Variants in EXOC6 observed in about 807,000 individuals in gnomAD.
EXOC6 encodes the protein SEC15-like 1.
In EXOC6, 60 loss-of-function variants were observed where a neutral mutation model predicts 112.5. The ratio of observed to expected loss-of-function variants is 0.53; its 90% CI spans 0.43 to 0.66. EXOC6 has a LOEUF of 0.66. Ranked by LOEUF, EXOC6 falls within the 30% of genes least tolerant of loss-of-function variation. EXOC6 has a pLI of 0.00. For missense variants in EXOC6, 855 were observed against 957.1 expected, an observed-to-expected ratio of 0.89 and a Z score of 1.41; for synonymous variants, 295 against 308.0, an observed-to-expected ratio of 0.96 and a Z score of 0.44.
intron 6 of EXOC6, among the ~76,000 whole-genome samples, chr10:92,912,098 C>T (rs553413398): frequency 3.2e-4 from 48 of 150,510 alleles, no homozygotes; most frequent in African/African-American, 1.1e-3. Flanking sequence ...GTAAAGCAGC[C>T]CCCGCCTTTG....
At chr10:92,936,927 G>A (rs1370582193) in intron 12 of EXOC6, among the ~76,000 whole-genome samples, 1 of 152,020 alleles carries the variant, frequency 6.6e-6, no homozygotes, top group African/African-American at 2.4e-5. Flanking sequence ...TATCACAGGT[G>A]GGGTGTACAC....
intron 20 of EXOC6, among the ~76,000 whole-genome samples, chr10:93,042,738 A>C (rs1012304032): frequency 6.6e-6 from 1 of 152,174 alleles, no homozygotes; most frequent in Non-Finnish European, 1.5e-5. Context: ...ACCCAAACAG[A>C]CTAAGACAGC....
At chr10:93,016,191 G>A (rs1564912776) in intron 20 of EXOC6, among the ~76,000 whole-genome samples, 1 of 152,170 alleles carries the variant, frequency 6.6e-6, no homozygotes, top group East Asian at 1.9e-4. Context: ...CTGGAATGCA[G>A]TGTCATGGTC....
At chr10:92,974,030 G>T in intron 17 of EXOC6, 23 bp from the exon 18 acceptor site, 1 of 1,541,264 alleles carries the variant, frequency 6.5e-7, no homozygotes, top group Non-Finnish European at 8.7e-7. Context: ...TCTTGTCTTT[G>T]TTGTTATTTT....
chr10:93,028,882 T>G (rs912550557), intron 20 of EXOC6, among the ~76,000 whole-genome samples: 2 of 151,822 alleles, frequency 1.3e-5, no homozygotes, highest in Non-Finnish European at 2.9e-5. Flanking sequence ...TAAACTTAGT[T>G]GATAAAGAAG....
chr10:92,999,261 C>G (rs901023174), intron 19 of EXOC6: 11 of 365,708 alleles, frequency 3.0e-5, no homozygotes, highest in African/African-American at 7.9e-5. Context: ...TGAGGTGTTG[C>G]TGTGTTGCCC....
At position 92,909,166 on chromosome 10, in the gene EXOC6, A is replaced by G. The variant is rs983770533; in HGVS notation, c.459-261A>G. Among the ~76,000 whole-genome samples, 4 of 152,188 alleles carry G rather than the reference A, an allele frequency of 2.6e-5. No homozygotes were observed. In the South Asian group the frequency reaches 8.3e-4, roughly 31 times the overall value. ...TTTAAGGTATTAAGATGCTATCATA[A>G]TGCTTTTGATGTTATAGATTCAGAT... On this transcript the variant is annotated intron_variant, in intron 5 of 21. Transcript: ENST00000260762.
intron 1 of EXOC6, among the ~76,000 whole-genome samples, chr10:92,875,505 C>T (rs1199134221): frequency 6.6e-6 from 1 of 152,034 alleles, no homozygotes; most frequent in Non-Finnish European, 1.5e-5. Flanking sequence ...ATTAGATTGC[C>T]CCTGAGACCT....
intron 1 of EXOC6, among the ~76,000 whole-genome samples, chr10:92,853,977 C>G (rs935032722): frequency 6.9e-6 from 1 of 144,822 alleles, no homozygotes; most frequent in African/African-American, 2.5e-5. Context: ...CTCTGCACTC[C>G]AGTCTGGGCA....
intron 20 of EXOC6, among the ~76,000 whole-genome samples, chr10:93,052,371 CAGTGATTCTGA>C (rs1846337988): frequency 6.6e-6 from 1 of 152,186 alleles, no homozygotes; most frequent in African/African-American, 2.4e-5. Context: ...ATGAATTCCT[CAGTGATTCTGA>C]AGTGATTCAA....
intron 1 of EXOC6, among the ~76,000 whole-genome samples, chr10:92,876,850 C>A (rs1226532530): frequency 6.6e-6 from 1 of 152,066 alleles, no homozygotes; most frequent in East Asian, 1.9e-4. Context: ...CATTTCTCAA[C>A]GATGGAAAAA....
intron 20 of EXOC6, among the ~76,000 whole-genome samples, chr10:93,054,196 A>G (rs1846438719): frequency 6.6e-6 from 1 of 152,170 alleles, no homozygotes; most frequent in Admixed American, 6.5e-5. Flanking sequence ...CCTATCTTAC[A>G]ATGTAAGCTC....
chr10:92,926,175 G>A (rs1461350410), intron 8 of EXOC6, among the ~76,000 whole-genome samples: 1 of 151,484 alleles, frequency 6.6e-6, no homozygotes, highest in African/African-American at 2.4e-5. Flanking sequence ...CAATAAAAAT[G>A]TACTTTTGGG....
At chr10:92,962,931 TA>T (rs1854095515) in intron 17 of EXOC6, among the ~76,000 whole-genome samples, 1 of 152,188 alleles carries the variant, frequency 6.6e-6, no homozygotes, top group African/African-American at 2.4e-5. Flanking sequence ...CTGCCTACGG[TA>T]AATACCCTGC....
chr10:92,975,134 C>G (rs537847351), intron 18 of EXOC6, among the ~76,000 whole-genome samples: 461 of 151,998 alleles, frequency 3.0e-3, no homozygotes, highest in African/African-American at 0.011. Context: ...CGCCTCTTCC[C>G]GGCCGCCATC....
Position 92,848,622 on chromosome 10 carries a change from G to A in EXOC6, c.89G>A (p.Gly30Glu). Residue 30 changes from glycine to glutamate, a missense_variant, in exon 1 of 22, where the codon GGG (glycine) becomes GAG (glutamate). Around this residue, in one of 2 missense-constraint regions of EXOC6, gnomAD observed 405 missense variants for 393.6 expected, o/e 1.03. Coordinates refer to ENST00000260762, the MANE Select transcript of EXOC6 (RefSeq NM_019053.6). Reference sequence around the variant, plus strand: ...GAGAGCACCGACACCGCCTGTGTGGGGCCCACCCTCCGGTAAAGATCTCAT... The same window carrying A: ...GAGAGCACCGACACCGCCTGTGTGGAGCCCACCCTCCGGTAAAGATCTCAT... ...EIESTDTACV[G>E]PTLRSVYDDQ... is the part of the protein sequence containing the mutation. The A allele has an allele frequency of 7.0e-7, 1 of 1,435,626 alleles. No individual in the cohort carries two copies. 88.9% of individuals were successfully genotyped at this position (1,435,626 alleles called of 1,614,324 possible).
At chr10:92,862,285 T>A (rs1186983591) in intron 1 of EXOC6, among the ~76,000 whole-genome samples, 2 of 152,148 alleles carry the variant, frequency 1.3e-5, no homozygotes, top group Admixed American at 1.3e-4. Flanking sequence ...GCGTGCTCAT[T>A]TATATTGTAG....
chr10:92,909,340 T>G, intron 5 of EXOC6, 87 bp from the exon 6 acceptor site: 1 of 861,898 alleles, frequency 1.2e-6, no homozygotes, highest in South Asian at 2.1e-5. Flanking sequence ...TGATGAATAA[T>G]CAGTGTAAAA....
intron 1 of EXOC6, among the ~76,000 whole-genome samples, chr10:92,856,391 G>T (rs376052085): frequency 3.9e-5 from 6 of 151,944 alleles, no homozygotes; most frequent in African/African-American, 1.5e-4. Context: ...TTTTTGGCAT[G>T]TGTGTTTTCA....
Sources: gnomAD v4.1 joint callset for allele counts (sites outside exome capture counted in the v4.1 genomes callset) on GRCh38, gnomAD v4.1.1 for gene constraint, gnomAD v4.1.1 regional missense constraint, MANE v1.5 for transcripts, NCBI Gene and HGNC (gene_info 2026-07-23, HGNC 2026-07-21) for gene names.